The following SGCZ variants were observed in gnomAD, a reference collection of about 807,000 sequenced individuals.
SGCZ encodes the protein sarcoglycan zeta.
In SGCZ, 40 loss-of-function variants were observed where a neutral mutation model predicts 41.3. The ratio of observed to expected loss-of-function variants is 0.97; its 90% CI spans 0.75 to 1.26. The LOEUF is 1.26. SGCZ is among the 50% of genes most tolerant of loss of function. SGCZ has a pLI of 0.00. For synonymous variants in SGCZ, 206 were observed against 137.5 expected, an observed-to-expected ratio of 1.50 and a Z score of -3.49; for missense variants, 552 against 369.8, an observed-to-expected ratio of 1.49 and a Z score of -4.04.
Position 14,252,620 on chromosome 8 carries a change from G to A in SGCZ, c.337-14941C>T, listed in dbSNP as rs987462512. Among the ~76,000 whole-genome samples, 4 of 152,212 alleles carry A rather than the reference G, an allele frequency of 2.6e-5. No homozygotes were observed. The East Asian group carries it at 7.7e-4, about 29-fold the overall frequency. ...GGAAGCATTCTTCTAGAGAAAGTTT[G>A]TATTGTACCTGCTAAGTCCTAGAGA... On this transcript the variant is annotated intron_variant, in intron 3 of 7. Transcript: ENST00000382080.
At chr8:15,039,393 A>G (rs1803992601) in intron 1 of SGCZ, among the ~76,000 whole-genome samples, 1 of 152,202 alleles carries the variant, frequency 6.6e-6, no homozygotes, top group African/African-American at 2.4e-5. Flanking sequence ...ATACCGCATG[A>G]TATTACTTAC....
intron 1 of SGCZ, among the ~76,000 whole-genome samples, chr8:15,161,767 G>A (rs73529359): frequency 0.043 from 6,504 of 152,226 alleles, 339 homozygotes; most frequent in African/African-American, 0.13. Context: ...GGGTGCCGTG[G>A]CTCACATCTA....
At chr8:14,726,083 C>T (rs1007877614) in intron 1 of SGCZ, among the ~76,000 whole-genome samples, 1 of 151,400 alleles carries the variant, frequency 6.6e-6, no homozygotes, top group Non-Finnish European at 1.5e-5. Flanking sequence ...ACTGTGAAAC[C>T]CTGTCTCTAC....
chr8:14,205,604 A>G (rs78252715), intron 4 of SGCZ, among the ~76,000 whole-genome samples: 5,814 of 152,196 alleles, frequency 0.038, 121 homozygotes, highest in Middle Eastern at 0.068. Context: ...ATTTTCTTCA[A>G]TCTGACAAAG....
chr8:15,188,526 G>T (rs978331115), intron 1 of SGCZ, among the ~76,000 whole-genome samples: 2 of 152,008 alleles, frequency 1.3e-5, no homozygotes, highest in Non-Finnish European at 2.9e-5. Context: ...GTTTCATTTT[G>T]TTTTCACTCA....
intron 1 of SGCZ, among the ~76,000 whole-genome samples, chr8:14,928,665 C>A (rs559239631): frequency 3.0e-4 from 45 of 152,166 alleles, no homozygotes; most frequent in African/African-American, 1.1e-3. Flanking sequence ...AAAATTATTC[C>A]ATTGTATCTT....
intron 3 of SGCZ, among the ~76,000 whole-genome samples, chr8:14,266,789 G>A (rs7813812): frequency 6.6e-6 from 1 of 151,966 alleles, no homozygotes; most frequent in Non-Finnish European, 1.5e-5. Flanking sequence ...AGGTAAAAAC[G>A]AAGTAAATTA....
chr8:14,656,741 T>C (rs527359801), intron 1 of SGCZ, among the ~76,000 whole-genome samples: 4 of 151,910 alleles, frequency 2.6e-5, no homozygotes, highest in African/African-American at 9.7e-5. Flanking sequence ...CAGCTTCAAC[T>C]GAAAGTTTGG....
intron 3 of SGCZ, among the ~76,000 whole-genome samples, chr8:14,261,335 C>T (rs1181128685): frequency 6.6e-6 from 1 of 152,048 alleles, no homozygotes; most frequent in East Asian, 1.9e-4. Flanking sequence ...AAGAAAAGGG[C>T]TCCTTTCTAA....
At chr8:14,309,738 C>G (rs1462007575) in intron 3 of SGCZ, 1 of 1,600,040 alleles carries the variant, frequency 6.2e-7, no homozygotes, top group Non-Finnish European at 8.5e-7. Flanking sequence ...GGGAGCTGAA[C>G]CAAAGCCTCT....
At chr8:14,698,615 A>T (rs1348212) in intron 1 of SGCZ, among the ~76,000 whole-genome samples, 2 of 151,910 alleles carry the variant, frequency 1.3e-5, no homozygotes, top group East Asian at 3.9e-4. Flanking sequence ...TGTTTTCTGC[A>T]TTTAGCATAT....
chr8:15,066,730 T>C (rs568263336), intron 1 of SGCZ, among the ~76,000 whole-genome samples: 14 of 152,310 alleles, frequency 9.2e-5, no homozygotes, highest in Admixed American at 9.2e-4. Flanking sequence ...ACTAGGCTTT[T>C]AGACCAGCTG....
At chr8:14,788,649 T>A (rs993873597) in intron 1 of SGCZ, among the ~76,000 whole-genome samples, 1 of 152,236 alleles carries the variant, frequency 6.6e-6, no homozygotes, top group Non-Finnish European at 1.5e-5. Flanking sequence ...ATGTTAGGTA[T>A]TATTTTTTAA....
intron 5 of SGCZ, among the ~76,000 whole-genome samples, chr8:14,145,247 G>T (rs1198188547): frequency 6.6e-5 from 10 of 151,792 alleles, no homozygotes; most frequent in Admixed American, 6.6e-4. Flanking sequence ...TTTTTTTTTA[G>T]AAAGTAAGGG....
chr8:15,025,367 T>C (rs1803417147), intron 1 of SGCZ, among the ~76,000 whole-genome samples: 2 of 152,178 alleles, frequency 1.3e-5, no homozygotes, highest in South Asian at 4.1e-4. Context: ...AATTTGATTT[T>C]TTCCTCTTTT....
At chr8:14,612,806 T>C (rs1489205983) in intron 1 of SGCZ, among the ~76,000 whole-genome samples, 1 of 152,064 alleles carries the variant, frequency 6.6e-6, no homozygotes, top group Non-Finnish European at 1.5e-5. Flanking sequence ...CCTGCCTCAC[T>C]GCTCAAGTTG....
chr8:15,047,530 A>C (rs1804355980), intron 1 of SGCZ, among the ~76,000 whole-genome samples: 1 of 152,042 alleles, frequency 6.6e-6, no homozygotes, highest in Non-Finnish European at 1.5e-5. Context: ...GGACCTTTAA[A>C]GTCTTCTACT....
chr8:14,652,034 G>C (rs1807417207), intron 1 of SGCZ, among the ~76,000 whole-genome samples: 1 of 151,914 alleles, frequency 6.6e-6, no homozygotes, highest in South Asian at 2.1e-4. Flanking sequence ...ATTCTCTGTG[G>C]CTCACTTTTT....
intron 1 of SGCZ, among the ~76,000 whole-genome samples, chr8:15,083,282 A>T (rs1165155358): frequency 6.6e-6 from 1 of 152,228 alleles, no homozygotes; most frequent in African/African-American, 2.4e-5. Flanking sequence ...AACAAATTAT[A>T]AACCTTATAA....
Sources: allele counts gnomAD v4.1 joint callset (sites outside exome capture counted in the v4.1 genomes callset), GRCh38; gene constraint gnomAD v4.1.1; transcripts MANE v1.5; gene names NCBI Gene and HGNC (gene_info 2026-07-23, HGNC 2026-07-21).